Variants in EYS observed in about 807,000 individuals in gnomAD.
EYS encodes protein eyes shut homolog.
Under a neutral mutation model 282.1 loss-of-function variants are expected in EYS, and 250 were observed. The observed-to-expected ratio is 0.89, with a 90% CI of 0.80 to 0.98. EYS has a LOEUF of 0.98. EYS is among the 50% of genes least tolerant of loss of function. The pLI, the probability that EYS is intolerant of heterozygous loss-of-function variation, is 0.00. For missense variants in EYS, 4,016 were observed against 3,709.0 expected (o/e 1.08, Z -2.15); for synonymous variants, 1,355 against 1,282.9 (o/e 1.06, Z -1.20).
chr6:64,203,507 A>G (rs1188365267), intron 31 of EYS, among the ~76,000 whole-genome samples: 4 of 152,178 alleles, frequency 2.6e-5, no homozygotes, highest in Non-Finnish European at 5.9e-5. Flanking sequence ...CCTAAAGTAC[A>G]GCATCCACTA....
At chr6:65,068,364 T>C (rs1773808946) in intron 12 of EYS, among the ~76,000 whole-genome samples, 1 of 152,098 alleles carries the variant, frequency 6.6e-6, no homozygotes, top group Non-Finnish European at 1.5e-5. Flanking sequence ...TGACATATTA[T>C]TATTCAGTTA....
chr6:64,352,517 C>T (rs549830065), intron 29 of EYS, among the ~76,000 whole-genome samples: 40 of 151,618 alleles, frequency 2.6e-4, no homozygotes, highest in African/African-American at 9.2e-4. Flanking sequence ...ACCTATGAAA[C>T]CCTTGTCCAA....
intron 28 of EYS, among the ~76,000 whole-genome samples, chr6:64,403,730 G>T (rs976872411): frequency 1.3e-5 from 2 of 152,082 alleles, no homozygotes; most frequent in Non-Finnish European, 2.9e-5. Context: ...AGAATATTGG[G>T]TCATGTTGTG....
chr6:64,753,352 C>A (rs1772826156), intron 22 of EYS, among the ~76,000 whole-genome samples: 3 of 151,844 alleles, frequency 2.0e-5, no homozygotes, highest in Non-Finnish European at 2.9e-5. Flanking sequence ...AGGGTTCAGC[C>A]AAATGCTGCT....
intron 30 of EYS, among the ~76,000 whole-genome samples, chr6:64,244,130 T>C (rs1766928118): frequency 6.6e-6 from 1 of 152,178 alleles, no homozygotes; most frequent in African/African-American, 2.4e-5. Context: ...GTAATCTTCA[T>C]TTAATTGGTT....
At chr6:64,438,080 T>C (rs114194645) in intron 27 of EYS, among the ~76,000 whole-genome samples, 4,709 of 151,782 alleles carry the variant, frequency 0.031, 229 homozygotes, top group African/African-American at 0.11. Context: ...GAAAATTTGT[T>C]AAGGTAGAAT....
At chr6:64,101,962 T>A (rs1772843809) in intron 31 of EYS, among the ~76,000 whole-genome samples, 1 of 151,748 alleles carries the variant, frequency 6.6e-6, no homozygotes, top group Non-Finnish European at 1.5e-5. Flanking sequence ...CCTAGGAGAA[T>A]CTAATGCCAC....
At chr6:65,473,635 T>G (rs1489282216) in intron 5 of EYS, among the ~76,000 whole-genome samples, 1 of 152,016 alleles carries the variant, frequency 6.6e-6, no homozygotes, top group Admixed American at 6.6e-5. Context: ...AAGATCTAAC[T>G]AAACTTCAGA....
At chr6:64,695,484 G>A (rs1474735607) in intron 22 of EYS, among the ~76,000 whole-genome samples, 4 of 152,030 alleles carry the variant, frequency 2.6e-5, no homozygotes, top group Non-Finnish European at 4.4e-5. Flanking sequence ...ATTTGAGGAA[G>A]CCACCACACT....
intron 5 of EYS, among the ~76,000 whole-genome samples, chr6:65,450,240 AT>A (rs979985086): frequency 6.6e-6 from 1 of 151,994 alleles, no homozygotes; most frequent in Non-Finnish European, 1.5e-5. Flanking sequence ...ATTTTATAGC[AT>A]TTTTTTCTAG....
Position 63,721,084 on chromosome 6 carries a change from A to T in EYS, c.8947T>A (p.Ser2983Thr). The T allele has an allele frequency of 6.4e-7, 1 of 1,551,344 alleles. No individual in the cohort carries two copies. Among genetic ancestry groups the T allele is most frequent in the East Asian group, 2.4e-5 (1 of 40,914 alleles). ...RMRNLQFTTI[S>T]LNFSTTKTEG... is the part of the protein sequence containing the mutation. ...GTTTTAGTGGTACTGAAATTTAAGG[A>T]TATAGTAGTGAACTGGAGGTTTCTC... is the stretch of plus-strand genomic sequence containing the variant. Residue 2983 changes from serine (S) to threonine (T), a missense_variant, in exon 43 of 43, where the codon TCC becomes ACC. By Grantham distance (58) the Ser-to-Thr change is moderately conservative. Coordinates refer to ENST00000503581, the MANE Select transcript of EYS (RefSeq NM_001142800.2).
At chr6:65,604,299 T>C (rs1414641084) in intron 2 of EYS, among the ~76,000 whole-genome samples, 1 of 151,998 alleles carries the variant, frequency 6.6e-6, no homozygotes, top group Non-Finnish European at 1.5e-5. Context: ...CCGATCACAT[T>C]TGAATTAGAT....
At chr6:65,407,887 G>T (rs1043782691) in intron 5 of EYS, among the ~76,000 whole-genome samples, 1 of 151,818 alleles carries the variant, frequency 6.6e-6, no homozygotes, top group African/African-American at 2.4e-5. Flanking sequence ...AAGAAAAGCT[G>T]TCAGCCTGAC....
intron 1 of EYS, among the ~76,000 whole-genome samples, chr6:65,650,278 C>T (rs1046552866): frequency 4.6e-5 from 7 of 152,092 alleles, no homozygotes; most frequent in Non-Finnish European, 1.0e-4. Flanking sequence ...AGAACTCAAA[C>T]ACAGCTCTTC....
rs531445697 is a variant in EYS, at chr6:64,858,660, G to C, written c.2992+28037C>G. Among the ~76,000 whole-genome samples, 6 of 151,970 alleles carry C rather than the reference G, an allele frequency of 3.9e-5. No individual in the cohort carries two copies. The South Asian group carries it at 1.2e-3, about 32-fold the overall frequency. ...AACATGACTAATTGGTATTTATGCT[G>C]TTTCAAGTATGGTTCAATGTACACA... On this transcript the variant is annotated intron_variant, in intron 19 of 42. Transcript: ENST00000503581.
At chr6:65,669,803 T>C (rs1171687109) in intron 1 of EYS, among the ~76,000 whole-genome samples, 1 of 151,966 alleles carries the variant, frequency 6.6e-6, no homozygotes, top group East Asian at 1.9e-4. Context: ...GTTGGACATA[T>C]GCGAGTTAAC....
intron 26 of EYS, among the ~76,000 whole-genome samples, chr6:64,498,277 G>A (rs1465900719): frequency 1.3e-5 from 2 of 152,010 alleles, no homozygotes; most frequent in Non-Finnish European, 2.9e-5. Context: ...ATGAGAACAG[G>A]GAAGTACAGA....
intron 10 of EYS, among the ~76,000 whole-genome samples, chr6:65,342,562 T>G (rs1421390806): frequency 6.6e-6 from 1 of 150,590 alleles, no homozygotes. Context: ...TTATTTTGGT[T>G]GCCTGAACAA....
At chr6:64,333,677 T>C (rs1770726951) in intron 29 of EYS, among the ~76,000 whole-genome samples, 2 of 152,172 alleles carry the variant, frequency 1.3e-5, no homozygotes, top group Admixed American at 1.3e-4. Flanking sequence ...TTGGTATTCC[T>C]CTGGTCATCA....
Sources: gnomAD v4.1 joint callset for allele counts (sites outside exome capture counted in the v4.1 genomes callset) on GRCh38, gnomAD v4.1.1 for gene constraint, MANE v1.5 for transcripts, NCBI Gene and HGNC (gene_info 2026-07-23, HGNC 2026-07-21) for gene names.